XYLT1: variants seen among roughly 807,000 people sequenced by gnomAD.
XYLT1 encodes beta-D-xylosyltransferase 1.
In XYLT1, 36 loss-of-function variants were observed where a neutral mutation model predicts 91.3. That is an observed-to-expected ratio of 0.39 (90% CI 0.30 to 0.52). The LOEUF (loss-of-function observed/expected upper bound fraction) is 0.52. Among genes scored for constraint, XYLT1 ranks in the 20% least tolerant of loss-of-function variants. The probability of loss-of-function intolerance (pLI) is 0.68; values close to 1 mark genes in which losing one functional copy is unlikely to be tolerated. For missense variants in XYLT1, 1,242 were observed against 1,284.5 expected (o/e 0.97, Z 0.51); for synonymous variants, 588 against 532.0 (o/e 1.11, Z -1.45).
At chr16:17,122,622 C>T (rs2030111049) in intron 10 of XYLT1, among the ~76,000 whole-genome samples, 1 of 152,150 alleles carries the variant, frequency 6.6e-6, no homozygotes, top group African/African-American at 2.4e-5. Flanking sequence ...GTTTTTGTTG[C>T]ATTTGCTTTT....
intron 9 of XYLT1, among the ~76,000 whole-genome samples, chr16:17,128,738 T>G (rs1430737410): frequency 6.6e-6 from 1 of 152,136 alleles, no homozygotes; most frequent in Non-Finnish European, 1.5e-5. Flanking sequence ...GGCAGGGAAG[T>G]GAAGCAGAGA....
At chr16:17,155,997 T>C (rs2031397994) in intron 6 of XYLT1, among the ~76,000 whole-genome samples, 1 of 151,862 alleles carries the variant, frequency 6.6e-6, no homozygotes, top group Non-Finnish European at 1.5e-5. Context: ...GACATAATCA[T>C]CACCATCACC....
At chr16:17,217,759 C>T (rs145735958) in intron 3 of XYLT1, among the ~76,000 whole-genome samples, 166 of 152,148 alleles carry the variant, frequency 1.1e-3, no homozygotes, top group African/African-American at 3.8e-3. Flanking sequence ...AAAGTACGGG[C>T]GGCCAGGGGA....
In XYLT1 at chr16:17,259,516, G is replaced by A. The variant is rs767635029; in HGVS notation, c.403-18C>T. 6.9e-6 allele frequency: 11 copies of A among 1,596,712 alleles called. No individual in the cohort carries two copies. In the Admixed American group the frequency reaches 1.7e-4, roughly 24 times the overall value. On this transcript the variant is annotated intron_variant, in intron 2 of 11. Transcript: ENST00000261381. ...TAGCCATCCTGGAGAAGAGGGGAGAGAAACAGAAGAGAAACTTGACTGAGA... is the reference window on the plus strand; with the variant it reads ...TAGCCATCCTGGAGAAGAGGGGAGAAAAACAGAAGAGAAACTTGACTGAGA...
chr16:17,133,275 C>G (rs969185340), intron 9 of XYLT1, among the ~76,000 whole-genome samples: 1 of 152,064 alleles, frequency 6.6e-6, no homozygotes, highest in Admixed American at 6.6e-5. Context: ...CTTCTTCCCC[C>G]CAGCCCCGTC....
At position 17,117,939 on chromosome 16, in the gene XYLT1, T is replaced by G. The variant is rs1205466912; in HGVS notation, c.2264A>C (p.Asn755Thr). 6.2e-7 allele frequency: 1 copy of G among 1,613,634 alleles called. No individual in the cohort carries two copies. Among genetic ancestry groups the G allele is most frequent in the Admixed American group, 1.7e-5 (1 of 59,990 alleles). The change falls in exon 11 of 12, where the codon AAC (asparagine) becomes ACC (threonine). Residue 755 changes from asparagine to threonine, a missense_variant. Coordinates refer to ENST00000261381, the MANE Select transcript of XYLT1 (RefSeq NM_022166.4). ...DWDAKERLFR[N>T]FGGLLGPMDE... ...CATGGGCCCCAGAAGACCCCCAAAG[T>G]TGCGGAATAGCCTCTCCTTGGCATC...
At chr16:17,434,705 T>C (rs2036432579) in intron 1 of XYLT1, among the ~76,000 whole-genome samples, 1 of 151,978 alleles carries the variant, frequency 6.6e-6, no homozygotes, top group South Asian at 2.1e-4. Context: ...AAAATAATAC[T>C]GATAATTACA....
At chr16:17,411,790 C>T (rs952175138) in intron 1 of XYLT1, among the ~76,000 whole-genome samples, 6 of 152,112 alleles carry the variant, frequency 3.9e-5, no homozygotes, top group Non-Finnish European at 7.3e-5. Flanking sequence ...TCAGGGGCTC[C>T]GGAAACTGTC....
chr16:17,398,401 C>G (rs1006103187), intron 1 of XYLT1, among the ~76,000 whole-genome samples: 5 of 152,186 alleles, frequency 3.3e-5, no homozygotes, highest in African/African-American at 1.2e-4. Flanking sequence ...GCAGAGACAG[C>G]TGAAACTTCG....
At chr16:17,449,725 T>C (rs2036641146) in intron 1 of XYLT1, among the ~76,000 whole-genome samples, 1 of 152,204 alleles carries the variant, frequency 6.6e-6, no homozygotes, top group Non-Finnish European at 1.5e-5. Context: ...AACAGGACTA[T>C]GCATCAACTA....
chr16:17,271,684 C>A (rs1358518907), intron 2 of XYLT1, among the ~76,000 whole-genome samples: 1 of 152,138 alleles, frequency 6.6e-6, no homozygotes, highest in Admixed American at 6.5e-5. Flanking sequence ...GCCCTTGTTA[C>A]AACCAAAAAT....
In XYLT1 at chr16:17,131,530, C is replaced by T. The variant is rs549825648; in HGVS notation, c.2027+2943G>A. Reference sequence around the variant, plus strand: ...GTCAGCCCACCCTGCAGGGGGCACACTGAGTGATTCTAGTGCTTCGTGCCT... The same window carrying T: ...GTCAGCCCACCCTGCAGGGGGCACATTGAGTGATTCTAGTGCTTCGTGCCT... On this transcript the variant is annotated intron_variant, in intron 9 of 11. Coordinates refer to ENST00000261381, the MANE Select transcript of XYLT1 (RefSeq NM_022166.4). Among the ~76,000 whole-genome samples, 21 of 152,312 alleles carry T rather than the reference C, an allele frequency of 1.4e-4. No homozygotes were observed. In the South Asian group the frequency reaches 3.5e-3, roughly 26 times the overall value.
intron 5 of XYLT1, among the ~76,000 whole-genome samples, chr16:17,195,810 T>A (rs973680105): frequency 2.6e-5 from 4 of 152,160 alleles, no homozygotes; most frequent in Admixed American, 1.3e-4. Context: ...ATCATCTAAC[T>A]CCATCTTCTC....
At chr16:17,317,629 C>CAAAAAAAAAA (rs35666149) in intron 2 of XYLT1, among the ~76,000 whole-genome samples, 1 of 57,992 alleles carries the variant, frequency 1.7e-5, no homozygotes, top group Non-Finnish European at 3.0e-5. Flanking sequence ...GACGCTGTCT[C>CAAAAAAAAAA]AAAAAAAAAA....
intron 1 of XYLT1, among the ~76,000 whole-genome samples, chr16:17,378,551 T>C (rs2035631516): frequency 6.6e-6 from 1 of 152,210 alleles, no homozygotes; most frequent in Non-Finnish European, 1.5e-5. Flanking sequence ...CTAATTGAGG[T>C]AATTTCTAGG....
intron 2 of XYLT1, among the ~76,000 whole-genome samples, chr16:17,276,622 T>G (rs571878261): frequency 6.8e-4 from 103 of 152,302 alleles, no homozygotes; most frequent in African/African-American, 2.2e-3. Flanking sequence ...TCACTCCCTT[T>G]GGAGGCAGTG....
At chr16:17,411,616 C>A (rs562063551) in intron 1 of XYLT1, among the ~76,000 whole-genome samples, 1 of 152,312 alleles carries the variant, frequency 6.6e-6, no homozygotes, top group African/African-American at 2.4e-5. Flanking sequence ...GCTGAAAACA[C>A]CCCTTGGTTG....
chr16:17,386,195 G>A (rs1440798224), intron 1 of XYLT1, among the ~76,000 whole-genome samples: 1 of 152,130 alleles, frequency 6.6e-6, no homozygotes, highest in African/African-American at 2.4e-5. Flanking sequence ...AATGTGAAAA[G>A]CACCCCCTTC....
chr16:17,463,816 G>A (rs2036851842), intron 1 of XYLT1, among the ~76,000 whole-genome samples: 1 of 152,228 alleles, frequency 6.6e-6, no homozygotes, highest in Admixed American at 6.5e-5. Context: ...CTTCACAATA[G>A]CCAAGATATG....
Sources: allele counts gnomAD v4.1 joint callset (sites outside exome capture counted in the v4.1 genomes callset), GRCh38; gene constraint gnomAD v4.1.1; transcripts MANE v1.5; gene names NCBI Gene and HGNC (gene_info 2026-07-23, HGNC 2026-07-21).